The following GMDS variants were observed in gnomAD, a reference collection of about 807,000 sequenced individuals.
GMDS encodes GDP-mannose 4,6 dehydratase.
GMDS carries 20 observed loss-of-function variants against 49.9 expected under a neutral mutation model. The ratio of observed to expected loss-of-function variants is 0.40; its 90% CI spans 0.28 to 0.58. The LOEUF (loss-of-function observed/expected upper bound fraction) is 0.58. Among genes scored for constraint, GMDS ranks in the 20% least tolerant of loss-of-function variants. The pLI is 0.42. For missense variants in GMDS, 362 were observed against 481.4 expected (o/e 0.75, Z 2.32); for synonymous variants, 177 against 178.6 (o/e 0.99, Z 0.07).
At chr6:2,000,661 T>A (rs1490416120) in intron 4 of GMDS, among the ~76,000 whole-genome samples, 1 of 152,168 alleles carries the variant, frequency 6.6e-6, no homozygotes, top group Non-Finnish European at 1.5e-5. Flanking sequence ...TCTCTTTTTT[T>A]GTTTTAGTGG....
intron 7 of GMDS, among the ~76,000 whole-genome samples, chr6:1,867,115 T>C (rs1581274459): frequency 6.6e-6 from 1 of 152,232 alleles, no homozygotes; most frequent in East Asian, 1.9e-4. Flanking sequence ...TATTCCACTC[T>C]GATGATATCA....
At chr6:2,063,609 C>A (rs1771325266) in intron 4 of GMDS, among the ~76,000 whole-genome samples, 1 of 152,104 alleles carries the variant, frequency 6.6e-6, no homozygotes. Flanking sequence ...ACAGTTAAAA[C>A]CTTTATGAGG....
chr6:1,914,436 C>A lies in GMDS; in HGVS notation c.771+15667G>T, dbSNP rs1761266517. 5.4e-5 allele frequency among the ~76,000 whole-genome samples: 8 copies of A among 147,662 alleles called. No homozygotes were observed. In the South Asian group the frequency reaches 1.7e-3, roughly 32 times the overall value. On this transcript the variant is annotated intron_variant, in intron 7 of 10. Transcript: ENST00000380815. The stretch of plus-strand genomic sequence containing the variant: ...GAGCCGAGATCGCACCACTGCACTC[C>A]AGCCTGGGCAACAGAGCAAGACTCT...
intron 4 of GMDS, among the ~76,000 whole-genome samples, chr6:2,086,283 AC>A (rs1293996042): frequency 6.6e-6 from 1 of 152,090 alleles, no homozygotes; most frequent in Admixed American, 6.5e-5. Flanking sequence ...TTTCAATGAA[AC>A]CCTGCCTCCC....
At chr6:2,032,413 G>T (rs1193111696) in intron 4 of GMDS, among the ~76,000 whole-genome samples, 1 of 152,136 alleles carries the variant, frequency 6.6e-6, no homozygotes, top group Non-Finnish European at 1.5e-5. Flanking sequence ...GAATTTCATG[G>T]ATATAATTTG....
intron 1 of GMDS, among the ~76,000 whole-genome samples, chr6:2,221,944 A>T (rs1259823964): frequency 6.6e-6 from 1 of 152,216 alleles, no homozygotes; most frequent in African/African-American, 2.4e-5. Context: ...GGGAAGAAAA[A>T]GAGAAAATGA....
In GMDS at chr6:2,205,081, G is replaced by A. The variant is rs1031169141; in HGVS notation, c.102+40240C>T. Among the ~76,000 whole-genome samples, 9 of 152,270 alleles carry A rather than the reference G, an allele frequency of 5.9e-5. No individual in the cohort carries two copies. The South Asian group carries it at 1.7e-3, about 28-fold the overall frequency. On this transcript the variant is annotated intron_variant, in intron 1 of 10. Coordinates refer to ENST00000380815, the MANE Select transcript of GMDS (RefSeq NM_001500.4). ...TGAGCATTTGCTGTCGCTGGATATT[G>A]TCCTAAACCCTTTAACAGAGTTTTT...
chr6:1,806,153 G>A (rs1290830139), intron 7 of GMDS, among the ~76,000 whole-genome samples: 2 of 152,082 alleles, frequency 1.3e-5, no homozygotes, highest in Non-Finnish European at 2.9e-5. Flanking sequence ...CTTTAAAAAG[G>A]TATCTGGGTA....
intron 4 of GMDS, among the ~76,000 whole-genome samples, chr6:1,998,774 C>T: frequency 6.6e-6 from 1 of 152,100 alleles, no homozygotes; most frequent in East Asian, 1.9e-4. Flanking sequence ...ACATAAGCAA[C>T]TTGGGCATCC....
At chr6:1,664,185 T>C (rs1764169669) in intron 9 of GMDS, among the ~76,000 whole-genome samples, 1 of 152,246 alleles carries the variant, frequency 6.6e-6, no homozygotes, top group African/African-American at 2.4e-5. Context: ...AAAAATCAAC[T>C]CTTGGAATCT....
At chr6:1,960,474 GA>G (rs1175727375) in intron 5 of GMDS, among the ~76,000 whole-genome samples, 20 of 151,918 alleles carry the variant, frequency 1.3e-4, no homozygotes, top group Non-Finnish European at 2.4e-4. Context: ...TTTAGAAAAA[GA>G]ATCACATTGG....
In GMDS at chr6:1,690,540, T is replaced by A. The variant is rs552509064; in HGVS notation, c.987+35876A>T. Among the ~76,000 whole-genome samples, 3 of 152,308 alleles carry A rather than the reference T, an allele frequency of 2.0e-5. No individual in the cohort carries two copies. In the South Asian group the frequency reaches 6.2e-4, roughly 32 times the overall value. ...ATCAGACGGTTGTAGACGTGCAGTC[T>A]TATTCCTGAGTCCCCATCAGAGTGA... On this transcript the variant is annotated intron_variant, in intron 9 of 10. Transcript: ENST00000380815.
At chr6:1,631,500 C>G (rs11968435) in intron 9 of GMDS, among the ~76,000 whole-genome samples, 27,568 of 151,934 alleles carry the variant, frequency 0.18, 3,745 homozygotes, top group African/African-American at 0.34. Context: ...AATGTCCCCC[C>G]CTCCGCCCCA....
chr6:2,020,870 A>C (rs1304487944), intron 4 of GMDS, among the ~76,000 whole-genome samples: 2 of 152,272 alleles, frequency 1.3e-5, no homozygotes, highest in Non-Finnish European at 2.9e-5. Flanking sequence ...CTGCTTAAAC[A>C]GCACATGCAG....
rs1471264018 is a variant in GMDS, at chr6:1,635,797, T to C, written c.988-11257A>G. ...GACAGCTCTATCCAAATGTGAGAAA[T>C]TACTGATTACAGCCTTGTACATAAC... On this transcript the variant is annotated intron_variant, in intron 9 of 10. Transcript: ENST00000380815. The surrounding 1 kb of genome is among the most constrained non-coding windows in gnomAD (Gnocchi z 4.7). Among the ~76,000 whole-genome samples, 1 of 152,138 alleles carries C rather than the reference T, an allele frequency of 6.6e-6. No individual in the cohort carries two copies. Among genetic ancestry groups the C allele is most frequent in the Non-Finnish European group, 1.5e-5 (1 of 68,024 alleles).
At chr6:2,159,772 C>A (rs11757443) in intron 1 of GMDS, among the ~76,000 whole-genome samples, 2,044 of 152,112 alleles carry the variant, frequency 0.013, 24 homozygotes, top group Non-Finnish European at 0.024. Flanking sequence ...CTGCCTTGGC[C>A]TCCCAAAGTG....
At chr6:1,633,448 G>T (rs1161316176) in intron 9 of GMDS, among the ~76,000 whole-genome samples, 1 of 152,176 alleles carries the variant, frequency 6.6e-6, no homozygotes, top group Non-Finnish European at 1.5e-5. Context: ...TGAAGCCCAT[G>T]TTCTAGGGTC....
At chr6:2,008,196 A>C (rs1242008934) in intron 4 of GMDS, among the ~76,000 whole-genome samples, 1 of 152,228 alleles carries the variant, frequency 6.6e-6, no homozygotes, top group East Asian at 1.9e-4. Context: ...AAGAGTATCC[A>C]TATTAGTTCT....
intron 1 of GMDS, among the ~76,000 whole-genome samples, chr6:2,163,339 G>A (rs375036063): frequency 1.3e-5 from 2 of 152,092 alleles, no homozygotes; most frequent in South Asian, 4.1e-4. Context: ...AGGTCCACAG[G>A]GTCCAGGAGA....
Sources: allele counts gnomAD v4.1 joint callset (sites outside exome capture counted in the v4.1 genomes callset), GRCh38; gene constraint gnomAD v4.1.1; non-coding constraint Gnocchi (gnomAD v3.1); transcripts MANE v1.5; gene names NCBI Gene and HGNC (gene_info 2026-07-23, HGNC 2026-07-21).